The following CLPB variants were observed in gnomAD, a reference collection of about 807,000 sequenced individuals.
The protein encoded by CLPB is ClpB family mitochondrial disaggregase.
CLPB carries 40 observed loss-of-function variants against 78.4 expected under a neutral mutation model. The observed-to-expected ratio is 0.51, with a 90% CI of 0.40 to 0.66. The LOEUF is 0.66. Among genes scored for constraint, CLPB ranks in the 30% least tolerant of loss-of-function variants. The probability of loss-of-function intolerance (pLI) is 0.00; values close to 1 mark genes in which losing one functional copy is unlikely to be tolerated. For missense variants in CLPB, 780 were observed against 886.9 expected (o/e 0.88, Z 1.53); for synonymous variants, 333 against 348.0 (o/e 0.96, Z 0.48).
intron 5 of CLPB, chr11:72,351,462 C>T (rs1950613062): frequency 6.6e-6 from 1 of 152,158 alleles, no homozygotes; most frequent in African/African-American, 2.4e-5. Context: ...GGGATAAATA[C>T]AAACAGTAAG....
At position 72,295,570 on chromosome 11, in the gene CLPB, C is replaced by T. The variant is rs778269139; in HGVS notation, c.1408G>A (p.Asp470Asn). The T allele has an allele frequency of 1.1e-5, 17 of 1,614,050 alleles. No homozygotes were observed. Among genetic ancestry groups the T allele is most frequent in the African/African-American group, 5.3e-5 (4 of 74,930 alleles). ...IFIMTSNVAS[D>N]EIAQHALQLR... The stretch of plus-strand genomic sequence containing the variant: ...TGCAGCGCGTGCTGTGCGATCTCGT[C>T]GCTGGCCACATTGGAGGTCATGATG... Residue 470 changes from aspartate (D) to asparagine (N), a missense_variant, in exon 12 of 16, where the codon GAC becomes AAC. Transcript: ENST00000538039.
At chr11:72,416,735 CA>C (rs35655496) in intron 2 of CLPB, among the ~76,000 whole-genome samples, 6,231 of 50,618 alleles carry the variant, frequency 0.12, 141 homozygotes, top group African/African-American at 0.25. Context: ...GACTCCGTCT[CA>C]AAAAAAAAAA....
At chr11:72,345,253 T>G (rs1254233809) in intron 5 of CLPB, among the ~76,000 whole-genome samples, 2 of 152,234 alleles carry the variant, frequency 1.3e-5, no homozygotes, top group Non-Finnish European at 2.9e-5. Flanking sequence ...TAGCATTATT[T>G]GTAACTGCAA....
chr11:72,376,081 G>C (rs1376660112), intron 4 of CLPB, among the ~76,000 whole-genome samples: 1 of 152,164 alleles, frequency 6.6e-6, no homozygotes, highest in Non-Finnish European at 1.5e-5. Flanking sequence ...TCCTGAGCTT[G>C]TGAACTTCCT....
At position 72,355,636 on chromosome 11, in the gene CLPB, G is replaced by GATTC. The variant is rs556996638; in HGVS notation, c.775+3240_775+3243dup. ...CACAGCTAATAGGTGGGTAAACTGGGATTCAAACCTAGGTTGGCCTGATTC... is the reference window on the plus strand; with the variant it reads ...CACAGCTAATAGGTGGGTAAACTGGGATTCATTCAAACCTAGGTTGGCCTGATTC... On this transcript the variant is annotated intron_variant, in intron 5 of 15. Coordinates refer to ENST00000538039, the MANE Select transcript of CLPB (RefSeq NM_001258392.3). Among the ~76,000 whole-genome samples, 431 of 152,280 alleles carry GATTC rather than the reference G, an allele frequency of 2.8e-3. 1 individual carries two copies. The highest frequency in any genetic ancestry group is 9.6e-3 in the African/African-American group (400 of 41,564).
chr11:72,409,674 C>T (rs1217982491), intron 2 of CLPB, among the ~76,000 whole-genome samples: 2 of 151,990 alleles, frequency 1.3e-5, no homozygotes, highest in Non-Finnish European at 2.9e-5. Flanking sequence ...GCAAAGATCT[C>T]GTTTCAAATC....
intron 2 of CLPB, among the ~76,000 whole-genome samples, chr11:72,412,825 G>A (rs1179960442): frequency 1.3e-5 from 2 of 152,198 alleles, no homozygotes; most frequent in African/African-American, 2.4e-5. Flanking sequence ...AATACTTGCT[G>A]GATCAACTGA....
intron 6 of CLPB, among the ~76,000 whole-genome samples, chr11:72,323,294 C>T (rs560382388): frequency 6.6e-6 from 1 of 152,076 alleles, no homozygotes; most frequent in East Asian, 1.9e-4. Context: ...GTCGGCTGGG[C>T]GTGGTGGCTC....
intron 3 of CLPB, among the ~76,000 whole-genome samples, chr11:72,396,851 C>G (rs1855420462): frequency 6.6e-6 from 1 of 152,134 alleles, no homozygotes; most frequent in Admixed American, 6.5e-5. Context: ...CAGTATGCCA[C>G]TGGTCACAAT....
chr11:72,319,053 G>A (rs1182219914), intron 6 of CLPB, among the ~76,000 whole-genome samples: 1 of 152,184 alleles, frequency 6.6e-6, no homozygotes, highest in East Asian at 1.9e-4. Context: ...AGGGTTTGTT[G>A]GGTCAGTTTC....
rs1232858995 is a variant in CLPB, at chr11:72,420,876, CCAG to C, written c.455+9433_455+9435del. ...AGGCCATTAAAAAAACTGGGTCTAC[CCAG>C]CAGAACGCAGTGGCTCACGCCTGTA... On this transcript the variant is annotated intron_variant, in intron 2 of 15. Transcript: ENST00000538039. Among the ~76,000 whole-genome samples, 7 of 152,244 alleles carry C rather than the reference CCAG, an allele frequency of 4.6e-5. No individual in the cohort carries two copies. The South Asian group carries it at 1.0e-3, about 23-fold the overall frequency.
rs1856650498 is a variant in CLPB at position 72,434,333 on chromosome 11, G to C, written c.142C>G (p.Leu48Val). The change falls in exon 1 of 16, where the codon CTG becomes GTG. Residue 48 changes from leucine to valine, a missense_variant. Physicochemically the swap from Leu to Val is conservative, Grantham distance 32. Coordinates refer to ENST00000538039, the MANE Select transcript of CLPB (RefSeq NM_001258392.3). ...GGGCGCCCCCCGGTGGCTACCCTCAGCCACTGCGGCTCCCCGAGACTCCCA... is the reference window on the plus strand; with the variant it reads ...GGGCGCCCCCCGGTGGCTACCCTCACCCACTGCGGCTCCCCGAGACTCCCA... ...TTGSLGEPQW[L>V]RVATGGRPGT... The C allele has an allele frequency of 6.2e-7, 1 of 1,612,092 alleles. No homozygotes were observed. Among genetic ancestry groups the C allele is most frequent in the African/African-American group, 1.3e-5 (1 of 75,024 alleles).
At chr11:72,345,258 C>G (rs573213194) in intron 5 of CLPB, among the ~76,000 whole-genome samples, 1 of 152,236 alleles carries the variant, frequency 6.6e-6, no homozygotes, top group South Asian at 2.1e-4. Context: ...TTATTTGTAA[C>G]TGCAAAATAT....
intron 4 of CLPB, among the ~76,000 whole-genome samples, chr11:72,364,899 T>C (rs1950913923): frequency 6.6e-6 from 1 of 152,206 alleles, no homozygotes; most frequent in African/African-American, 2.4e-5. Flanking sequence ...CAAGAGTCAA[T>C]GGCAAACCTA....
intron 12 of CLPB, among the ~76,000 whole-genome samples, chr11:72,295,209 C>T (rs1029243776): frequency 6.6e-6 from 1 of 152,218 alleles, no homozygotes; most frequent in Non-Finnish European, 1.5e-5. Context: ...CCCTAAGACA[C>T]TGAGCAGCTT....
Position 72,367,626 on chromosome 11 carries a change from G to C in CLPB, c.647-8618C>G, listed in dbSNP as rs182144300. Among the ~76,000 whole-genome samples the C allele has an allele frequency of 3.3e-5, 5 of 152,206 alleles. No homozygotes were observed. The South Asian group carries it at 6.2e-4, about 19-fold the overall frequency. On this transcript the variant is annotated intron_variant, in intron 4 of 15. Transcript: ENST00000538039. ...ACTCTTAGAGGAGGGAGGGATGAAG[G>C]GGGGCACGGGTTGAAAAACTATTGG...
intron 4 of CLPB, among the ~76,000 whole-genome samples, chr11:72,379,924 T>C (rs1854851347): frequency 6.6e-6 from 1 of 152,328 alleles, no homozygotes; most frequent in South Asian, 2.1e-4. Context: ...CCACATTCCA[T>C]GCAGTTGCCT....
chr11:72,380,930 C>T (rs1264647562), intron 3 of CLPB, among the ~76,000 whole-genome samples: 4 of 152,284 alleles, frequency 2.6e-5, no homozygotes, highest in South Asian at 2.1e-4. Context: ...AAGGTTACGA[C>T]AGGAGAAACG....
At position 72,390,918 on chromosome 11, in the gene CLPB, C is replaced by T. The variant is rs548960726; in HGVS notation, c.543-10534G>A. Reference sequence around the variant, plus strand: ...GGAGTTGCGGGCCATCAAGTGTCCACCACTGGGGGGACAGATAAGGTAAAT... The same window carrying T: ...GGAGTTGCGGGCCATCAAGTGTCCATCACTGGGGGGACAGATAAGGTAAAT... On this transcript the variant is annotated intron_variant, in intron 3 of 15. Transcript: ENST00000538039. 5.3e-5 allele frequency among the ~76,000 whole-genome samples: 8 copies of T among 152,236 alleles called. No individual in the cohort carries two copies. In the South Asian group the frequency reaches 1.0e-3, roughly 20 times the overall value.
Sources: gnomAD v4.1 joint callset for allele counts (sites outside exome capture counted in the v4.1 genomes callset) on GRCh38, gnomAD v4.1.1 for gene constraint, MANE v1.5 for transcripts, NCBI Gene and HGNC (gene_info 2026-07-23, HGNC 2026-07-21) for gene names.